Variants in SPTLC3 observed in about 807,000 individuals in gnomAD.
The protein encoded by SPTLC3 is serine palmitoyltransferase 3.
In SPTLC3, 36 loss-of-function variants were observed where a neutral mutation model predicts 59.3. That is an observed-to-expected ratio of 0.61 (90% CI 0.47 to 0.80). SPTLC3 has a LOEUF of 0.80. SPTLC3 is among the 30% of genes least tolerant of loss of function. SPTLC3 has a pLI of 0.00. For missense variants in SPTLC3, 625 were observed against 685.1 expected, an observed-to-expected ratio of 0.91 and a Z score of 0.98; for synonymous variants, 257 against 240.8, an observed-to-expected ratio of 1.07 and a Z score of -0.62.
intron 2 of SPTLC3, among the ~76,000 whole-genome samples, chr20:13,063,993 T>A (rs1202915620): frequency 1.3e-5 from 2 of 151,736 alleles, no homozygotes; most frequent in African/African-American, 4.8e-5. Context: ...TTCCCCAGTA[T>A]CATTAATTAA....
At chr20:13,013,572 A>G (rs1410124485) in intron 1 of SPTLC3, among the ~76,000 whole-genome samples, 4 of 152,114 alleles carry the variant, frequency 2.6e-5, no homozygotes, top group Non-Finnish European at 4.4e-5. Context: ...ACAATCCCCA[A>G]TGTGGCAAGG....
intron 9 of SPTLC3, among the ~76,000 whole-genome samples, chr20:13,131,860 A>G (rs1198000618): frequency 6.6e-6 from 1 of 152,132 alleles, no homozygotes; most frequent in Non-Finnish European, 1.5e-5. Flanking sequence ...TTTTCAGCTT[A>G]CTCAGCAGAG....
At chr20:13,025,697 G>T (rs957702866) in intron 1 of SPTLC3, among the ~76,000 whole-genome samples, 7 of 152,194 alleles carry the variant, frequency 4.6e-5, no homozygotes, top group African/African-American at 1.7e-4. Flanking sequence ...TATGACAAGA[G>T]GTTGCATATT....
chr20:13,050,478 A>G (rs922109861), intron 2 of SPTLC3: 21 of 152,210 alleles, frequency 1.4e-4, no homozygotes, highest in African/African-American at 4.6e-4. Context: ...TTCCTGAGGA[A>G]GAAGAGAATT....
intron 1 of SPTLC3, among the ~76,000 whole-genome samples, chr20:13,021,161 T>A (rs1186096756): frequency 1.3e-5 from 2 of 152,190 alleles, no homozygotes; most frequent in Non-Finnish European, 2.9e-5. Flanking sequence ...TCTCTTGACT[T>A]CCAGGGTATT....
At chr20:13,040,029 A>C (rs980491181) in intron 1 of SPTLC3, among the ~76,000 whole-genome samples, 1 of 146,444 alleles carries the variant, frequency 6.8e-6, no homozygotes, top group Non-Finnish European at 1.5e-5. Context: ...TGCCAAATAT[A>C]TAGGTGTATG....
chr20:13,017,616 C>CT (rs1230232922), intron 1 of SPTLC3, among the ~76,000 whole-genome samples: 1 of 152,162 alleles, frequency 6.6e-6, no homozygotes, highest in East Asian at 1.9e-4. Context: ...ATTATGAGAT[C>CT]TTTTTTGTGA....
chr20:13,040,046 C>CAT (rs1481063308), intron 1 of SPTLC3, among the ~76,000 whole-genome samples: 3 of 148,020 alleles, frequency 2.0e-5, no homozygotes, highest in South Asian at 2.2e-4. Context: ...TATGCATGTA[C>CAT]GTGTGTGTGT....
intron 1 of SPTLC3, among the ~76,000 whole-genome samples, chr20:13,037,838 C>T (rs886751096): frequency 5.9e-5 from 9 of 152,098 alleles, no homozygotes; most frequent in Non-Finnish European, 5.9e-5. Context: ...TCAGGCACCA[C>T]TTTCACCCTG....
At chr20:13,080,631 A>G in intron 4 of SPTLC3, among the ~76,000 whole-genome samples, 1 of 151,978 alleles carries the variant, frequency 6.6e-6, no homozygotes, top group African/African-American at 2.4e-5. Context: ...TCCCTAACTG[A>G]CAAAAGTTAA....
At chr20:13,055,528 A>T (rs1389123578) in intron 2 of SPTLC3, among the ~76,000 whole-genome samples, 1 of 152,312 alleles carries the variant, frequency 6.6e-6, no homozygotes, top group East Asian at 1.9e-4. Context: ...AGGCTGAACC[A>T]AATGTAAATT....
chr20:13,115,877 T>C (rs1990515013), intron 7 of SPTLC3, among the ~76,000 whole-genome samples: 1 of 152,166 alleles, frequency 6.6e-6, no homozygotes, highest in African/African-American at 2.4e-5. Flanking sequence ...ATGAGGAAAC[T>C]GAAGCAGAGA....
intron 1 of SPTLC3, among the ~76,000 whole-genome samples, chr20:13,016,294 G>A (rs1300782502): frequency 1.5e-4 from 23 of 152,166 alleles, no homozygotes; most frequent in Admixed American, 1.4e-3. Flanking sequence ...GCAAAGTCAA[G>A]TTGAAACTTA....
chr20:13,049,342 A>G (rs1423031446), intron 2 of SPTLC3: 2 of 531,122 alleles, frequency 3.8e-6, no homozygotes, highest in Non-Finnish European at 6.9e-6. Flanking sequence ...ACTATTTGCC[A>G]CATACCAAAC....
intron 9 of SPTLC3, among the ~76,000 whole-genome samples, chr20:13,151,524 C>G (rs1387002338): frequency 6.6e-6 from 1 of 152,196 alleles, no homozygotes; most frequent in Non-Finnish European, 1.5e-5. Flanking sequence ...GGGGAGGGAT[C>G]ATCCTTGAGA....
At chr20:13,013,914 G>A (rs1324119451) in intron 1 of SPTLC3, among the ~76,000 whole-genome samples, 2 of 152,144 alleles carry the variant, frequency 1.3e-5, no homozygotes, top group Non-Finnish European at 2.9e-5. Flanking sequence ...CAACTTGCCT[G>A]AGCATCCAAG....
intron 4 of SPTLC3, among the ~76,000 whole-genome samples, chr20:13,088,745 A>T (rs1326331795): frequency 6.7e-6 from 1 of 149,200 alleles, no homozygotes; most frequent in Non-Finnish European, 1.5e-5. Flanking sequence ...CAGCCTCCCA[A>T]GTAGATGGGA....
intron 4 of SPTLC3, among the ~76,000 whole-genome samples, chr20:13,082,473 G>T (rs1988872888): frequency 7.2e-6 from 1 of 138,048 alleles, no homozygotes; most frequent in Non-Finnish European, 1.6e-5. Context: ...ATAAGAATAA[G>T]ACTTGTGACA....
At chr20:13,135,719 C>T (rs539331569) in intron 9 of SPTLC3, among the ~76,000 whole-genome samples, 1 of 152,276 alleles carries the variant, frequency 6.6e-6, no homozygotes, top group South Asian at 2.1e-4. Flanking sequence ...AAAGTTGGAA[C>T]GATTCTAGCT....
Sources: allele counts gnomAD v4.1 joint callset (sites outside exome capture counted in the v4.1 genomes callset), GRCh38; gene constraint gnomAD v4.1.1; transcripts MANE v1.5; gene names NCBI Gene and HGNC (gene_info 2026-07-23, HGNC 2026-07-21).